LINGO2: variants seen among roughly 807,000 people sequenced by gnomAD.
The protein encoded by LINGO2 is leucine rich repeat and Ig domain containing 2.
LINGO2 carries 14 observed loss-of-function variants against 30.6 expected under a neutral mutation model. The ratio of observed to expected loss-of-function variants is 0.46; its 90% CI spans 0.30 to 0.72. The LOEUF is 0.72. Among genes scored for constraint, LINGO2 ranks in the 30% least tolerant of loss-of-function variants. The probability of loss-of-function intolerance (pLI) is 0.07; values close to 1 mark genes in which losing one functional copy is unlikely to be tolerated. For missense variants in LINGO2, 729 were observed against 751.7 expected (o/e 0.97, Z 0.35); for synonymous variants, 317 against 288.5 (o/e 1.10, Z -1.00).
At chr9:28,612,875 C>A (rs931186047) in intron 1 of LINGO2, among the ~76,000 whole-genome samples, 2 of 151,946 alleles carry the variant, frequency 1.3e-5, no homozygotes, top group Non-Finnish European at 2.9e-5. Context: ...GCTTTGTATC[C>A]CCATGCAAAT....
rs73441417 is a variant in LINGO2 at position 28,528,636 on chromosome 9, T to C, written c.-364-52611A>G. 4.4e-3 allele frequency among the ~76,000 whole-genome samples: 669 copies of C among 152,272 alleles called. 4 individuals carry two copies. The highest frequency in any genetic ancestry group is 0.012 in the African/African-American group (494 of 41,564). ...TTAAAGGGAGGTACATGAGTTGTAC[T>C]ACATAATTGTCTTTGAATTGTATTA... On this transcript the variant is annotated intron_variant, in intron 1 of 5. Coordinates refer to ENST00000379992, the Ensembl canonical transcript of LINGO2.
At chr9:28,865,598 T>C in the LINGO2 span, among the ~76,000 whole-genome samples, 1 of 152,162 alleles carries the variant, frequency 6.6e-6, no homozygotes, top group East Asian at 1.9e-4. Context: ...CTGGCTAACA[T>C]GGAGAAACAC....
chr9:28,842,770 T>G, the LINGO2 span, among the ~76,000 whole-genome samples: 53 of 151,952 alleles, frequency 3.5e-4, no homozygotes, highest in East Asian at 8.3e-3. Context: ...GTAGTTATCC[T>G]CTCTGAGTCT....
the LINGO2 span, among the ~76,000 whole-genome samples, chr9:29,096,287 T>C: frequency 7.2e-6 from 1 of 138,150 alleles, no homozygotes; most frequent in African/African-American, 2.8e-5. Flanking sequence ...TTTCTTTATT[T>C]TTTATTTTTT....
chr9:28,728,855 G>T, the LINGO2 span, among the ~76,000 whole-genome samples: 4 of 152,216 alleles, frequency 2.6e-5, no homozygotes, highest in African/African-American at 9.6e-5. Flanking sequence ...AATCAACAGT[G>T]CCAAGAACGT....
chr9:28,326,620 G>A (rs756905522), intron 3 of LINGO2, among the ~76,000 whole-genome samples: 22 of 152,206 alleles, frequency 1.4e-4, no homozygotes, highest in African/African-American at 4.8e-4. Flanking sequence ...TATTGGCATC[G>A]TTCACTGTTT....
chr9:29,197,848 G>C, the LINGO2 span, among the ~76,000 whole-genome samples: 1 of 151,936 alleles, frequency 6.6e-6, no homozygotes, highest in African/African-American at 2.4e-5. Context: ...TTTTCACATG[G>C]GTATTCTGAA....
At chr9:28,872,714 A>C in the LINGO2 span, among the ~76,000 whole-genome samples, 2 of 152,106 alleles carry the variant, frequency 1.3e-5, no homozygotes, top group Non-Finnish European at 2.9e-5. Context: ...CAGTTCTTAG[A>C]TGTATTAAGA....
At chr9:28,635,687 AT>A (rs1189047739) in intron 1 of LINGO2, among the ~76,000 whole-genome samples, 3 of 152,180 alleles carry the variant, frequency 2.0e-5, no homozygotes, top group African/African-American at 7.2e-5. Flanking sequence ...AAGTAAAAAA[AT>A]ATTATGACAA....
chr9:28,624,463 T>C (rs1417294757), intron 1 of LINGO2, among the ~76,000 whole-genome samples: 2 of 152,070 alleles, frequency 1.3e-5, no homozygotes, highest in East Asian at 1.9e-4. Context: ...TATATGATAG[T>C]CCATATTGAT....
exon 6 of LINGO2, chr9:27,949,655 A>G (rs894798215): frequency 1.2e-6 from 2 of 1,614,020 alleles, no homozygotes; most frequent in South Asian, 2.2e-5. Context: ...AGGAGAAGAC[A>G]TTCTCTTCCA....
intron 4 of LINGO2, among the ~76,000 whole-genome samples, chr9:28,120,848 T>A (rs1197312835): frequency 6.6e-6 from 1 of 152,156 alleles, no homozygotes; most frequent in Non-Finnish European, 1.5e-5. Flanking sequence ...GTACCTTTTG[T>A]GGTATTGCTT....
the LINGO2 span, among the ~76,000 whole-genome samples, chr9:28,815,076 T>C: frequency 6.6e-6 from 1 of 152,200 alleles, no homozygotes. Context: ...TCAAATTCTA[T>C]AGAGAGGCTG....
At chr9:28,814,349 A>G in the LINGO2 span, among the ~76,000 whole-genome samples, 2 of 152,120 alleles carry the variant, frequency 1.3e-5, no homozygotes, top group African/African-American at 4.8e-5. Flanking sequence ...AGGCAGGAGA[A>G]TCACTTGAAC....
At chr9:28,084,035 C>T (rs1296782527) in intron 4 of LINGO2, among the ~76,000 whole-genome samples, 1 of 151,980 alleles carries the variant, frequency 6.6e-6, no homozygotes, top group Non-Finnish European at 1.5e-5. Context: ...CTTCTTGGAC[C>T]TTAGAGTACA....
At chr9:28,697,186 A>G in the LINGO2 span, among the ~76,000 whole-genome samples, 1 of 151,942 alleles carries the variant, frequency 6.6e-6, no homozygotes, top group African/African-American at 2.4e-5. Flanking sequence ...GTGGAAATTC[A>G]ATTTAAAACC....
chr9:28,258,619 C>A (rs1822460541), intron 4 of LINGO2, among the ~76,000 whole-genome samples: 1 of 151,884 alleles, frequency 6.6e-6, no homozygotes, highest in African/African-American at 2.4e-5. Context: ...TTTTCCCAGT[C>A]TGTTGGTGAT....
the LINGO2 span, among the ~76,000 whole-genome samples, chr9:28,961,529 T>C: frequency 6.6e-6 from 1 of 152,162 alleles, no homozygotes; most frequent in Non-Finnish European, 1.5e-5. Flanking sequence ...TAAACTACAA[T>C]TTATAATCTC....
chr9:28,018,423 A>G lies in LINGO2; in HGVS notation c.-86-6018T>C, dbSNP rs776040292. Among the ~76,000 whole-genome samples the G allele has an allele frequency of 3.5e-4, 54 of 152,224 alleles. 1 individual carries two copies. Among genetic ancestry groups the G allele is most frequent in the Admixed American group, 6.5e-5 (1 of 15,268 alleles). On this transcript the variant is annotated intron_variant, in intron 4 of 5. Coordinates refer to ENST00000379992, the Ensembl canonical transcript of LINGO2. ...AGAATGAAATATATTCTCCCATTAT[A>G]GAATCAGAGAAAATATTTGCAAACT...
Sources: allele counts gnomAD v4.1 joint callset (sites outside exome capture counted in the v4.1 genomes callset), GRCh38; gene constraint gnomAD v4.1.1; transcripts MANE v1.5; gene names NCBI Gene and HGNC (gene_info 2026-07-23, HGNC 2026-07-21).